The following MYOM2 variants were observed in gnomAD, a reference collection of about 807,000 sequenced individuals.
MYOM2 encodes myomesin-2.
Under a neutral mutation model 187.6 loss-of-function variants are expected in MYOM2, and 254 were observed. That is an observed-to-expected ratio of 1.35 (90% CI 1.22 to 1.50). The LOEUF is 1.50. Ranked by LOEUF, MYOM2 falls within the 40% of genes most tolerant of loss-of-function variation. MYOM2 has a pLI of 0.00. For synonymous variants in MYOM2, 981 were observed against 753.8 expected, an observed-to-expected ratio of 1.30 and a Z score of -4.94; for missense variants, 2,796 against 1,924.0, an observed-to-expected ratio of 1.45 and a Z score of -8.48.
At chr8:2,052,823 G>A (rs1818537876) in intron 3 of MYOM2, among the ~76,000 whole-genome samples, 1 of 152,230 alleles carries the variant, frequency 6.6e-6, no homozygotes, top group Admixed American at 6.5e-5. Flanking sequence ...CGGGAGCCAG[G>A]GTTTTAAACA....
chr8:2,078,902 A>C lies in MYOM2; in HGVS notation c.1431A>C (p.Ala477=). The change falls in exon 12 of 37, where the codon GCA becomes GCC. Residue 477 remains alanine (A), a synonymous_variant. Transcript: ENST00000262113. Reference sequence around the variant, plus strand: ...CCAGGGTCTCTGATGCGGTGGCTGCACTTGACCCCTTGGACCTCAGAAGGT... The same window carrying C: ...CCAGGGTCTCTGATGCGGTGGCTGCCCTTGACCCCTTGGACCTCAGAAGGT... ...RPSRVSDAVA[A]LDPLDLRRLQ... 2.5e-6 allele frequency: 4 copies of C among 1,614,002 alleles called. No individual in the cohort carries two copies. Among genetic ancestry groups the C allele is most frequent in the Non-Finnish European group, 3.4e-6 (4 of 1,179,880 alleles).
chr8:2,121,323 G>C (rs1038616720), intron 28 of MYOM2, among the ~76,000 whole-genome samples: 2 of 152,032 alleles, frequency 1.3e-5, no homozygotes, highest in African/African-American at 4.8e-5. Flanking sequence ...TGCCATACAA[G>C]GTGTGTGTGC....
In MYOM2 at chr8:2,090,177, C is replaced by T. The variant is rs756759229; in HGVS notation, c.1814C>T (p.Ala605Val). Residue 605 changes from alanine (A) to valine (V), a missense_variant, in exon 15 of 37, where the codon GCC (alanine) becomes GTC (valine). Physicochemically the swap from Ala to Val is moderately conservative, Grantham distance 64 (BLOSUM62 0). Coordinates refer to ENST00000262113, the MANE Select transcript of MYOM2 (RefSeq NM_003970.4). ...TCGGAGATAACGTCCCCCATTCAGG[C>T]CCAGGATGTGACCGGTGAGCTGTCA... ...EPSEITSPIQ[A>V]QDVTVVPSAP... The T allele has an allele frequency of 2.5e-6, 4 of 1,613,298 alleles. No individual in the cohort carries two copies. The highest frequency in any genetic ancestry group is 3.4e-6 in the Non-Finnish European group (4 of 1,179,482).
intron 23 of MYOM2, among the ~76,000 whole-genome samples, chr8:2,106,884 G>C (rs1363925626): frequency 6.6e-6 from 1 of 152,144 alleles, no homozygotes; most frequent in Non-Finnish European, 1.5e-5. Flanking sequence ...TTGGTATGCA[G>C]AGGGTAACAT....
rs748754177 is a variant in MYOM2 at position 2,096,370 on chromosome 8, G to A, written c.2249G>A (p.Arg750His). The change falls in exon 18 of 37, where the codon CGT (arginine) becomes CAT (histidine). Residue 750 changes from arginine to histidine, a missense_variant. Physicochemically the swap from Arg to His is conservative, Grantham distance 29. Coordinates refer to ENST00000262113, the MANE Select transcript of MYOM2 (RefSeq NM_003970.4). ...SPILGYYLDK[R>H]EVHHKNWHEV... ...ATCCTGGGCTACTACCTGGACAAGC[G>A]TGAAGTTCACCATAAAAACTGGCAC... The A allele has an allele frequency of 1.3e-4, 217 of 1,614,072 alleles. No homozygotes were observed. Among genetic ancestry groups the A allele is most frequent in the Non-Finnish European group, 1.7e-4 (195 of 1,180,044 alleles).
intron 30 of MYOM2, 37 bp from the exon 31 acceptor site, chr8:2,124,142 A>G (rs1797552693): frequency 2.5e-6 from 4 of 1,591,936 alleles, no homozygotes; most frequent in South Asian, 2.3e-5. Context: ...GGTTAAAGTT[A>G]CATGTCGTAA....
intron 18 of MYOM2, among the ~76,000 whole-genome samples, chr8:2,097,418 G>A (rs1037681822): frequency 3.4e-4 from 52 of 152,066 alleles, no homozygotes; most frequent in African/African-American, 1.2e-3. Context: ...ATATATGTTT[G>A]CATTATGGAA....
In MYOM2 at chr8:2,116,108, T is replaced by G; in HGVS notation, c.3325+4T>G. On this transcript the variant is annotated splice_donor_region_variant and intron_variant, in intron 26 of 36. Transcript: ENST00000262113. ...TCTCTAGTTCTTATTGGAGATGGTA[T>G]GCTATATCGAATATTTCCACGTCCA... 6.3e-7 allele frequency: 1 copy of G among 1,578,596 alleles called. No individual in the cohort carries two copies. Among genetic ancestry groups the G allele is most frequent in the Non-Finnish European group, 8.5e-7 (1 of 1,170,576 alleles).
chr8:2,105,084 A>G (rs73657728), intron 21 of MYOM2, among the ~76,000 whole-genome samples: 10,227 of 151,994 alleles, frequency 0.067, 971 homozygotes, highest in African/African-American at 0.22. Flanking sequence ...GTCATTAATC[A>G]CTTCTTAAAG....
At chr8:2,123,229 A>C (rs1181738418) in intron 28 of MYOM2, 23 bp from the exon 29 acceptor site, 1 of 1,502,478 alleles carries the variant, frequency 6.7e-7, no homozygotes, top group Non-Finnish European at 9.2e-7. Context: ...TTACACACTA[A>C]ACTTAAGCTT....
At chr8:2,139,863 CGG>C (rs1798215071) in intron 32 of MYOM2, among the ~76,000 whole-genome samples, 1 of 152,132 alleles carries the variant, frequency 6.6e-6, no homozygotes, top group Admixed American at 6.5e-5. Flanking sequence ...CCTTAGAAGG[CGG>C]GAATGTATGA....
intron 31 of MYOM2, 122 bp downstream of exon 31, chr8:2,124,339 C>A: frequency 1.0e-6 from 1 of 967,172 alleles, no homozygotes; most frequent in Non-Finnish European, 1.6e-6. Flanking sequence ...CTGTGGGAGG[C>A]CCTGGATGGA....
chr8:2,133,080 G>T (rs1277624956), intron 32 of MYOM2, among the ~76,000 whole-genome samples: 2 of 152,170 alleles, frequency 1.3e-5, no homozygotes, highest in Non-Finnish European at 2.9e-5. Flanking sequence ...CTCCAGGTAT[G>T]TGCAGTCCCC....
intron 29 of MYOM2, 36 bp downstream of exon 29, chr8:2,123,401 A>G: frequency 6.5e-7 from 1 of 1,537,134 alleles, no homozygotes; most frequent in Non-Finnish European, 8.9e-7. Flanking sequence ...AAGCAAAACA[A>G]AAACGGCACT....
chr8:2,098,798 C>G lies in MYOM2; in HGVS notation c.2314-59C>G, dbSNP rs188646588. The G allele has an allele frequency of 1.8e-5, 27 of 1,523,932 alleles. No homozygotes were observed. The East Asian group carries it at 5.8e-4, about 33-fold the overall frequency. 94.4% of individuals were successfully genotyped at this position (1,523,932 alleles called of 1,614,324 possible). A position where few individuals can be genotyped will look rare whatever the true frequency, so the allele number is the denominator to read the frequency against. Reference sequence around the variant, plus strand: ...AAGCCAGTTATAACAACTCCTCCCCCTCAGTGGGCTGTAAGGCATCCTTTA... The same window carrying G: ...AAGCCAGTTATAACAACTCCTCCCCGTCAGTGGGCTGTAAGGCATCCTTTA... On this transcript the variant is annotated intron_variant, in intron 18 of 36. Transcript: ENST00000262113.
At chr8:2,052,710 C>A (rs1284533424) in intron 3 of MYOM2, among the ~76,000 whole-genome samples, 1 of 152,208 alleles carries the variant, frequency 6.6e-6, no homozygotes, top group Non-Finnish European at 1.5e-5. Context: ...AACATCAAGA[C>A]CTAGCAGTGT....
rs541653482 is a variant in MYOM2 at position 2,073,635 on chromosome 8, G to C, written c.1120+135G>C. On this transcript the variant is annotated intron_variant, in intron 10 of 36. Transcript: ENST00000262113. ...ACTTTGCTCCTTGGAGACCCCATGC[G>C]GCCCCGATTTTCCCTCAGTGCATGG... 3.7e-6 allele frequency: 4 copies of C among 1,088,218 alleles called. No individual in the cohort carries two copies. The East Asian group carries it at 1.1e-4, about 29-fold the overall frequency. 67.4% of individuals were successfully genotyped at this position (1,088,218 alleles called of 1,614,324 possible).
rs372581772 is a variant in MYOM2, at chr8:2,130,654, G to A, written c.3800+1422G>A. Among the ~76,000 whole-genome samples, 3 of 152,268 alleles carry A rather than the reference G, an allele frequency of 2.0e-5. No homozygotes were observed. The East Asian group carries it at 5.8e-4, about 29-fold the overall frequency. On this transcript the variant is annotated intron_variant, in intron 32 of 36. Coordinates refer to ENST00000262113, the MANE Select transcript of MYOM2 (RefSeq NM_003970.4). Reference sequence around the variant, plus strand: ...TAATGGAGTCAGTACATCTGTGCTTGGAATCTCTCACGTCTTTAATTTTAC... The same window carrying A: ...TAATGGAGTCAGTACATCTGTGCTTAGAATCTCTCACGTCTTTAATTTTAC...
rs753574958 is a variant in MYOM2, at chr8:2,106,486, T to C, written c.2892-5T>C. ...CGACATTCACCTACTCTTCTTCCTT[T>C]TTAGCTCCAAGCTGTACTTAAAGAA... On this transcript the variant is annotated splice_region_variant and splice_polypyrimidine_tract_variant and intron_variant, in intron 22 of 36. Coordinates refer to ENST00000262113, the MANE Select transcript of MYOM2 (RefSeq NM_003970.4). 2 of 1,611,174 alleles carry C rather than the reference T, an allele frequency of 1.2e-6. No homozygotes were observed. The highest frequency in any genetic ancestry group is 2.2e-5 in the South Asian group (2 of 91,018).
Sources: allele counts gnomAD v4.1 joint callset (sites outside exome capture counted in the v4.1 genomes callset), GRCh38; gene constraint gnomAD v4.1.1; transcripts MANE v1.5; gene names NCBI Gene and HGNC (gene_info 2026-07-23, HGNC 2026-07-21).